The following DOK5 variants were observed in gnomAD, a reference collection of about 807,000 sequenced individuals.
DOK5 encodes docking protein 5.
DOK5 carries 27 observed loss-of-function variants against 43.3 expected under a neutral mutation model. That is an observed-to-expected ratio of 0.62 (90% CI 0.46 to 0.86). The LOEUF (loss-of-function observed/expected upper bound fraction) is 0.86, where lower values mean the gene tolerates loss of function less well. Ranked by LOEUF, DOK5 falls within the 40% of genes least tolerant of loss-of-function variation. DOK5 has a pLI of 0.00. For missense variants in DOK5, 373 were observed against 392.9 expected (o/e 0.95, Z 0.43); for synonymous variants, 146 against 140.1 (o/e 1.04, Z -0.30).
intron 1 of DOK5, among the ~76,000 whole-genome samples, chr20:54,500,613 G>A (rs1428930076): frequency 2.8e-5 from 4 of 145,376 alleles, no homozygotes; most frequent in East Asian, 4.0e-4. Flanking sequence ...CCGGGCTGGA[G>A]TATAGTGGCA....
chr20:54,587,425 G>A (rs1313422510), intron 2 of DOK5, among the ~76,000 whole-genome samples: 1 of 151,294 alleles, frequency 6.6e-6, no homozygotes, highest in East Asian at 1.9e-4. Flanking sequence ...ACAGACGAGA[G>A]AAACGGAACA....
intron 2 of DOK5, among the ~76,000 whole-genome samples, chr20:54,574,318 G>A (rs1028419855): frequency 6.6e-6 from 1 of 152,080 alleles, no homozygotes; most frequent in African/African-American, 2.4e-5. Flanking sequence ...GTTTGAACTT[G>A]TGGTTGTGAT....
At chr20:54,598,845 T>C (rs2146779493) in intron 5 of DOK5, among the ~76,000 whole-genome samples, 1 of 152,348 alleles carries the variant, frequency 6.6e-6, no homozygotes, top group East Asian at 1.9e-4. Context: ...TATTTGGATA[T>C]GAAGGCATCT....
At chr20:54,479,469 C>A (rs1255492690) in intron 1 of DOK5, among the ~76,000 whole-genome samples, 1 of 152,140 alleles carries the variant, frequency 6.6e-6, no homozygotes, top group Non-Finnish European at 1.5e-5. Context: ...AGAGGCAAAT[C>A]AGGCAATTTG....
chr20:54,611,086 T>C (rs1384803268), intron 6 of DOK5, among the ~76,000 whole-genome samples: 1 of 152,194 alleles, frequency 6.6e-6, no homozygotes, highest in Non-Finnish European at 1.5e-5. Flanking sequence ...TGCAACACTT[T>C]GTGGGTCAAA....
intron 1 of DOK5, 64 bp from the exon 2 acceptor site, chr20:54,554,869 A>C (rs1984656133): frequency 1.9e-6 from 2 of 1,027,706 alleles, no homozygotes; most frequent in South Asian, 2.8e-5. Flanking sequence ...ATCAAAAAGA[A>C]AACATTTAAA....
At chr20:54,519,139 T>C (rs1320975298) in intron 1 of DOK5, among the ~76,000 whole-genome samples, 1 of 152,224 alleles carries the variant, frequency 6.6e-6, no homozygotes, top group Non-Finnish European at 1.5e-5. Context: ...GTGGAGTTGC[T>C]TAACATGTCC....
At chr20:54,599,896 G>A (rs142203512) in intron 5 of DOK5, among the ~76,000 whole-genome samples, 16 of 152,318 alleles carry the variant, frequency 1.1e-4, no homozygotes, top group Admixed American at 2.6e-4. Context: ...TTACTCAACA[G>A]AAGAGAGAGA....
intron 2 of DOK5, among the ~76,000 whole-genome samples, chr20:54,561,203 C>G (rs1278118464): frequency 6.6e-6 from 1 of 152,158 alleles, no homozygotes; most frequent in East Asian, 1.9e-4. Context: ...ATCTGCTGGG[C>G]CCCCTCTGCC....
At chr20:54,615,070 C>CTA (rs1029009708) in intron 6 of DOK5, among the ~76,000 whole-genome samples, 1 of 152,180 alleles carries the variant, frequency 6.6e-6, no homozygotes, top group African/African-American at 2.4e-5. Flanking sequence ...CATAGCCTCA[C>CTA]TATTAGGAAG....
At chr20:54,506,052 C>A (rs1338013337) in intron 1 of DOK5, among the ~76,000 whole-genome samples, 2 of 152,142 alleles carry the variant, frequency 1.3e-5, no homozygotes, top group Non-Finnish European at 2.9e-5. Flanking sequence ...AGATGGCGGC[C>A]ATGAGTGGCA....
At chr20:54,514,285 C>T (rs1600673277) in intron 1 of DOK5, among the ~76,000 whole-genome samples, 1 of 152,272 alleles carries the variant, frequency 6.6e-6, no homozygotes, top group South Asian at 2.1e-4. Context: ...CCTCATCCTC[C>T]CAGCACTATA....
chr20:54,615,100 G>C (rs1258473655), intron 6 of DOK5, among the ~76,000 whole-genome samples: 1 of 152,160 alleles, frequency 6.6e-6, no homozygotes, highest in East Asian at 1.9e-4. Context: ...ATTGTTTACT[G>C]TCACTGTTGT....
intron 6 of DOK5, among the ~76,000 whole-genome samples, chr20:54,636,561 G>A (rs1033264529): frequency 6.6e-6 from 1 of 152,110 alleles, no homozygotes; most frequent in Non-Finnish European, 1.5e-5. Flanking sequence ...CTCAGCATAT[G>A]AGGACCATTT....
chr20:54,623,386 G>T (rs1045246789), intron 6 of DOK5, among the ~76,000 whole-genome samples: 1 of 152,010 alleles, frequency 6.6e-6, no homozygotes, highest in Non-Finnish European at 1.5e-5. Flanking sequence ...GTGTGTTTGG[G>T]GTTGAATATC....
chr20:54,609,715 A>G (rs1314618695), intron 5 of DOK5, among the ~76,000 whole-genome samples: 2 of 152,196 alleles, frequency 1.3e-5, no homozygotes, highest in East Asian at 3.8e-4. Flanking sequence ...TACCTTTACC[A>G]TCTGAGGTAC....
rs1986971858 is a variant in DOK5, at chr20:54,621,371, G to A, written c.735+10848G>A. Among the ~76,000 whole-genome samples, 5 of 152,192 alleles carry A rather than the reference G, an allele frequency of 3.3e-5. No homozygotes were observed. The South Asian group carries it at 1.0e-3, about 31-fold the overall frequency. ...ATTGATTCAACTGGTAAGAGAGAGG[G>A]AGGGTTCTTTCACTTCAAGTACATA... On this transcript the variant is annotated intron_variant, in intron 6 of 7. Coordinates refer to ENST00000262593, the MANE Select transcript of DOK5 (RefSeq NM_018431.5).
At chr20:54,533,705 A>T (rs887235069) in intron 1 of DOK5, among the ~76,000 whole-genome samples, 8 of 152,186 alleles carry the variant, frequency 5.3e-5, no homozygotes, top group South Asian at 2.1e-4. Context: ...CTTTAATTCT[A>T]TCTCAAGCTT....
intron 1 of DOK5, among the ~76,000 whole-genome samples, chr20:54,516,933 A>G (rs2146692743): frequency 6.6e-6 from 1 of 152,276 alleles, no homozygotes; most frequent in East Asian, 1.9e-4. Flanking sequence ...GTTTCTACAA[A>G]CTGTCTCCTG....
Sources: gnomAD v4.1 joint callset for allele counts (sites outside exome capture counted in the v4.1 genomes callset) on GRCh38, gnomAD v4.1.1 for gene constraint, MANE v1.5 for transcripts, NCBI Gene and HGNC (gene_info 2026-07-23, HGNC 2026-07-21) for gene names.